MEIS1: variants seen among roughly 807,000 people sequenced by gnomAD.
MEIS1 encodes the protein Meis homeobox 1.
MEIS1 carries 5 observed loss-of-function variants against 50.8 expected under a neutral mutation model. The observed-to-expected ratio is 0.10, with a 90% confidence interval of 0.05 to 0.21. MEIS1 has a LOEUF of 0.21. Among genes scored for constraint, MEIS1 ranks in the 10% least tolerant of loss-of-function variants. The pLI is 1.00. For synonymous variants in MEIS1, 176 were observed against 179.3 expected (o/e 0.98, Z 0.15); for missense variants, 318 against 517.3 (o/e 0.61, Z 3.74).
chr2:66,440,049 A>ACGCGGGCG, intron 3 of MEIS1, 65 bp downstream of exon 3: 1 of 1,078,526 alleles, frequency 9.3e-7, no homozygotes, highest in Non-Finnish European at 1.2e-6. Flanking sequence ...GCCAACACAC[A>ACGCGGGCG]CGCGCGCGCG....
At chr2:66,464,996 A>G (rs1390206056) in intron 7 of MEIS1, among the ~76,000 whole-genome samples, 2 of 152,192 alleles carry the variant, frequency 1.3e-5, no homozygotes, top group Non-Finnish European at 2.9e-5. Context: ...TTAAAAGAGA[A>G]TTCTTTATCT....
At chr2:66,471,628 G>A (rs1282300885) in intron 7 of MEIS1, among the ~76,000 whole-genome samples, 1 of 152,196 alleles carries the variant, frequency 6.6e-6, no homozygotes, top group Non-Finnish European at 1.5e-5. Context: ...TAAGAAATAA[G>A]TAGTAAGGAA....
intron 7 of MEIS1, among the ~76,000 whole-genome samples, chr2:66,465,069 A>G (rs888993573): frequency 6.6e-6 from 1 of 152,188 alleles, no homozygotes; most frequent in African/African-American, 2.4e-5. Flanking sequence ...ATACTTTAAA[A>G]TCTGGTTTTA....
In MEIS1 at chr2:66,461,681, G is replaced by A. The variant is rs116717629; in HGVS notation, c.631-2428G>A. The A allele has an allele frequency of 5.4e-3, 1,689 of 312,296 alleles. 31 individuals are homozygous for A. Among genetic ancestry groups the A allele is most frequent in the African/African-American group, 0.035 (1,538 of 44,538 alleles). The allele number at this position is 312,296 out of a possible 1,614,324, so 19.3% of individuals were successfully genotyped here. On this transcript the variant is annotated intron_variant, in intron 6 of 12. Transcript: ENST00000272369. Reference sequence around the variant, plus strand: ...GTTGCACAAAATTTGGATAAACTGAGGTGGAATCCAACATTTCTTGCATGA... The same window carrying A: ...GTTGCACAAAATTTGGATAAACTGAAGTGGAATCCAACATTTCTTGCATGA...
chr2:66,521,491 A>G (rs1318550710), intron 8 of MEIS1, among the ~76,000 whole-genome samples: 1 of 152,178 alleles, frequency 6.6e-6, no homozygotes, highest in Non-Finnish European at 1.5e-5. Context: ...GTCGTTTCTC[A>G]GCAAAGAAGG....
chr2:66,454,446 G>C (rs1672341715), intron 6 of MEIS1, among the ~76,000 whole-genome samples: 1 of 151,926 alleles, frequency 6.6e-6, no homozygotes, highest in African/African-American at 2.4e-5. Flanking sequence ...CTCACTCCTA[G>C]GGTAAAATTC....
chr2:66,489,622 T>G (rs775344158), intron 7 of MEIS1, among the ~76,000 whole-genome samples: 1 of 152,222 alleles, frequency 6.6e-6, no homozygotes, highest in Non-Finnish European at 1.5e-5. Flanking sequence ...TGCAAAAGCA[T>G]TGTGCTAATT....
chr2:66,555,805 T>A (rs1675048341), intron 9 of MEIS1, among the ~76,000 whole-genome samples: 1 of 152,072 alleles, frequency 6.6e-6, no homozygotes, highest in Non-Finnish European at 1.5e-5. Context: ...CATTTTTGAG[T>A]GGTTAAAAAG....
intron 11 of MEIS1, 29 bp downstream of exon 11, chr2:66,568,785 C>T (rs1261446681): frequency 1.3e-6 from 2 of 1,573,118 alleles, no homozygotes; most frequent in South Asian, 1.1e-5. Flanking sequence ...GGTAGTTCCT[C>T]ATTTTTGACT....
chr2:66,462,842 A>G (rs1476465062), intron 6 of MEIS1, among the ~76,000 whole-genome samples: 2 of 152,192 alleles, frequency 1.3e-5, no homozygotes, highest in Non-Finnish European at 2.9e-5. Context: ...CAAATGGCAT[A>G]TCTTTCTATG....
chr2:66,567,821 T>C (rs963974845), intron 10 of MEIS1: 12 of 571,056 alleles, frequency 2.1e-5, no homozygotes, highest in African/African-American at 1.1e-4. Flanking sequence ...TTCCCAGCTC[T>C]TTCTGCTACT....
chr2:66,498,921 A>T (rs959135355), intron 7 of MEIS1, among the ~76,000 whole-genome samples: 4 of 152,212 alleles, frequency 2.6e-5, no homozygotes. Flanking sequence ...GCTGTTTCGT[A>T]TGCACATGAA....
At chr2:66,568,815 A>G in intron 11 of MEIS1, 59 bp downstream of exon 11, 1 of 1,432,852 alleles carries the variant, frequency 7.0e-7, no homozygotes, top group Non-Finnish European at 9.9e-7. Flanking sequence ...TCATCCCCTC[A>G]TCAACACAGG....
At chr2:66,514,472 C>G (rs1189348437) in intron 8 of MEIS1, among the ~76,000 whole-genome samples, 1 of 152,164 alleles carries the variant, frequency 6.6e-6, no homozygotes, top group Non-Finnish European at 1.5e-5. Context: ...TGCCTGATTT[C>G]TTGAGACCTA....
At chr2:66,442,336 T>C (rs1672011243) in intron 5 of MEIS1, among the ~76,000 whole-genome samples, 1 of 151,132 alleles carries the variant, frequency 6.6e-6, no homozygotes, top group Non-Finnish European at 1.5e-5. Flanking sequence ...TTTTCCCATA[T>C]CAGGAGTACT....
At chr2:66,550,908 T>C (rs1233017529) in intron 9 of MEIS1, among the ~76,000 whole-genome samples, 2 of 152,228 alleles carry the variant, frequency 1.3e-5, no homozygotes, top group African/African-American at 4.8e-5. Context: ...AGTATTTCTG[T>C]GTTTCCCTTT....
intron 7 of MEIS1, among the ~76,000 whole-genome samples, chr2:66,488,041 T>G (rs550472113): frequency 1.3e-5 from 2 of 152,258 alleles, no homozygotes; most frequent in African/African-American, 4.8e-5. Flanking sequence ...ACAGATTTGA[T>G]TCTTTTGCAT....
chr2:66,437,809 G>C lies in MEIS1; in HGVS notation c.85G>C (p.Ala29Pro). 1 of 1,613,954 alleles carries C rather than the reference G, an allele frequency of 6.2e-7. No homozygotes were observed. Among genetic ancestry groups the C allele is most frequent in the African/African-American group, 1.3e-5 (1 of 75,052 alleles). ...CTCCACGATGTATGGGGACCCGCAT[G>C]CAGCCAGGTCCATGCAGCCGGTCCA... ...IPSTMYGDPH[A>P]ARSMQPVHHL... The change falls in exon 2 of 13, where the codon GCA becomes CCA. Residue 29 changes from alanine to proline, a missense_variant. By Grantham distance (27) the Ala-to-Pro change is conservative. Coordinates refer to ENST00000272369, the MANE Select transcript of MEIS1 (RefSeq NM_002398.3).
rs528290790 is a variant in MEIS1, at chr2:66,439,223, TG to T, written c.240-615del. On this transcript the variant is annotated intron_variant, in intron 2 of 12. Coordinates refer to ENST00000272369, the MANE Select transcript of MEIS1 (RefSeq NM_002398.3). ...TGAAGGAACTTTCTTTGGGGGGCGG[TG>T]GGGGCTATCAGCGAAGGGAGGGGAA... The T allele has an allele frequency of 3.0e-5, 29 of 973,704 alleles. 1 individual carries two copies. In the South Asian group the frequency reaches 1.3e-3, roughly 44 times the overall value. The allele number at this position is 973,704 out of a possible 1,614,324, so 60.3% of individuals were successfully genotyped here. A position where few individuals can be genotyped will look rare whatever the true frequency, so the allele number is the denominator to read the frequency against.
Sources: gnomAD v4.1 joint callset for allele counts (sites outside exome capture counted in the v4.1 genomes callset) on GRCh38, gnomAD v4.1.1 for gene constraint, MANE v1.5 for transcripts, NCBI Gene and HGNC (gene_info 2026-07-23, HGNC 2026-07-21) for gene names.